TTC28: variants seen among roughly 807,000 people sequenced by gnomAD.
TTC28 encodes the protein tetratricopeptide repeat protein 28.
A neutral mutation model predicts 198.0 loss-of-function variants in TTC28; 61 were observed. That is an observed-to-expected ratio of 0.31 (90% confidence interval 0.25 to 0.38). The LOEUF (loss-of-function observed/expected upper bound fraction) is 0.38, where lower values mean the gene tolerates loss of function less well. TTC28 is among the 10% of genes least tolerant of loss of function. The probability of loss-of-function intolerance (pLI) is 1.00; values close to 1 mark genes in which losing one functional copy is unlikely to be tolerated. For missense variants in TTC28, 2,678 were observed against 3,164.0 expected, an observed-to-expected ratio of 0.85 and a Z score of 3.69; for synonymous variants, 1,171 against 1,297.8, an observed-to-expected ratio of 0.90 and a Z score of 2.10.
intron 12 of TTC28, among the ~76,000 whole-genome samples, chr22:28,084,460 A>G (rs1941484666): frequency 6.6e-6 from 1 of 152,216 alleles, no homozygotes; most frequent in African/African-American, 2.4e-5. Flanking sequence ...CCTGTCTGTT[A>G]GAAGGAAAAC....
chr22:28,055,488 C>T (rs1015196574), intron 12 of TTC28, among the ~76,000 whole-genome samples: 5 of 152,080 alleles, frequency 3.3e-5, no homozygotes, highest in African/African-American at 4.8e-5. Context: ...TGAAGGACAT[C>T]GAAGATTTAG....
chr22:28,413,207 G>A (rs566869978), intron 2 of TTC28, among the ~76,000 whole-genome samples: 27 of 152,110 alleles, frequency 1.8e-4, no homozygotes, highest in African/African-American at 4.8e-4. Context: ...AGGCCAAGGC[G>A]GGCGGATGAC....
chr22:28,572,001 G>A (rs2050070100), intron 2 of TTC28, among the ~76,000 whole-genome samples: 1 of 150,722 alleles, frequency 6.6e-6, no homozygotes, highest in South Asian at 2.1e-4. Context: ...TGTATACTCT[G>A]CCACCCAGCA....
At chr22:28,650,393 G>C (rs2051546200) in intron 1 of TTC28, among the ~76,000 whole-genome samples, 1 of 152,152 alleles carries the variant, frequency 6.6e-6, no homozygotes, top group Non-Finnish European at 1.5e-5. Flanking sequence ...CTTAGAATTG[G>C]ATAAAACAGA....
intron 2 of TTC28, among the ~76,000 whole-genome samples, chr22:28,534,438 A>T (rs1313246342): frequency 6.6e-6 from 1 of 152,252 alleles, no homozygotes; most frequent in Non-Finnish European, 1.5e-5. Context: ...GATGTGGAGA[A>T]ATAGGAACAC....
At chr22:28,052,680 G>A (rs544461517) in intron 12 of TTC28, among the ~76,000 whole-genome samples, 6 of 152,294 alleles carry the variant, frequency 3.9e-5, no homozygotes, top group African/African-American at 1.2e-4. Context: ...TGGCTATGGG[G>A]CTTCTGAAAT....
At chr22:28,307,654 G>T (rs1377430107) in intron 2 of TTC28, among the ~76,000 whole-genome samples, 1 of 152,052 alleles carries the variant, frequency 6.6e-6, no homozygotes, top group African/African-American at 2.4e-5. Flanking sequence ...AGCAAATTAG[G>T]TGTTTACCTA....
chr22:28,164,756 A>G, intron 5 of TTC28, among the ~76,000 whole-genome samples: 1 of 152,228 alleles, frequency 6.6e-6, no homozygotes, highest in East Asian at 1.9e-4. Flanking sequence ...CCAAAGGAAC[A>G]CAGTTCCTCA....
chr22:28,598,915 A>C (rs1001725018), intron 2 of TTC28, among the ~76,000 whole-genome samples: 5 of 152,222 alleles, frequency 3.3e-5, no homozygotes, highest in Non-Finnish European at 5.9e-5. Flanking sequence ...ATCTTTAGAG[A>C]ATTAGTGATG....
chr22:28,305,789 T>A (rs989718806), intron 3 of TTC28, among the ~76,000 whole-genome samples: 2 of 152,170 alleles, frequency 1.3e-5, no homozygotes, highest in African/African-American at 4.8e-5. Flanking sequence ...TTCCCAAGAA[T>A]TCATTCCTCA....
At chr22:28,234,208 A>T (rs1027780764) in intron 5 of TTC28, among the ~76,000 whole-genome samples, 10 of 150,910 alleles carry the variant, frequency 6.6e-5, no homozygotes, top group African/African-American at 2.4e-4. Flanking sequence ...ACCTGGCCAA[A>T]TTTTTTGTAT....
At chr22:28,513,302 T>G (rs2048719604) in intron 2 of TTC28, among the ~76,000 whole-genome samples, 1 of 152,218 alleles carries the variant, frequency 6.6e-6, no homozygotes, top group African/African-American at 2.4e-5. Flanking sequence ...TAAGAGTTAA[T>G]GTGTCATAGT....
chr22:28,152,076 T>G (rs1183652244), intron 6 of TTC28, among the ~76,000 whole-genome samples: 2 of 152,204 alleles, frequency 1.3e-5, no homozygotes, highest in Non-Finnish European at 2.9e-5. Flanking sequence ...ATAAACTGTA[T>G]GAATTTGGGC....
intron 2 of TTC28, among the ~76,000 whole-genome samples, chr22:28,439,978 G>A (rs1324954620): frequency 1.3e-5 from 2 of 152,150 alleles, no homozygotes; most frequent in Admixed American, 1.3e-4. Flanking sequence ...TGGGATTACA[G>A]GCACCGTCAC....
At chr22:28,446,513 C>G (rs935632161) in intron 2 of TTC28, among the ~76,000 whole-genome samples, 1 of 152,124 alleles carries the variant, frequency 6.6e-6, no homozygotes, top group Admixed American at 6.6e-5. Context: ...GTGCTGTCCT[C>G]ACTCGGAGTT....
At chr22:28,531,521 A>T (rs2049139697) in intron 2 of TTC28, among the ~76,000 whole-genome samples, 1 of 152,214 alleles carries the variant, frequency 6.6e-6, no homozygotes, top group Non-Finnish European at 1.5e-5. Context: ...GTTAAAAAGG[A>T]CATCCAGGAA....
At chr22:27,999,305 G>A in intron 15 of TTC28, 45 bp from the exon 16 acceptor site, 3 of 1,504,048 alleles carry the variant, frequency 2.0e-6, no homozygotes, top group East Asian at 2.5e-5. Context: ...AGACAGAACA[G>A]CCAGGCTGCC....
chr22:28,610,348 G>A (rs2050800162), intron 2 of TTC28, among the ~76,000 whole-genome samples: 2 of 152,162 alleles, frequency 1.3e-5, no homozygotes, highest in Admixed American at 1.3e-4. Flanking sequence ...GCTCTAGCTG[G>A]CATCTGGCGG....
intron 2 of TTC28, among the ~76,000 whole-genome samples, chr22:28,349,947 ACAGTG>A (rs2045967588): frequency 2.0e-5 from 3 of 152,260 alleles, no homozygotes. Flanking sequence ...ATGTTACACT[ACAGTG>A]AAGATGAGAT....
Sources: gnomAD v4.1 joint callset for allele counts (sites outside exome capture counted in the v4.1 genomes callset) on GRCh38, gnomAD v4.1.1 for gene constraint, MANE v1.5 for transcripts, NCBI Gene and HGNC (gene_info 2026-07-23, HGNC 2026-07-21) for gene names.